RBFOX1: variants seen among roughly 807,000 people sequenced by gnomAD.
RBFOX1 encodes RNA binding protein fox-1 homolog 1.
RBFOX1 carries 8 observed loss-of-function variants against 57.7 expected under a neutral mutation model. The ratio of observed to expected loss-of-function variants is 0.14; its 90% CI spans 0.08 to 0.25. RBFOX1 has a LOEUF of 0.25. RBFOX1 is among the 10% of genes least tolerant of loss of function. RBFOX1 has a pLI of 1.00. For missense variants in RBFOX1, 611 were observed against 548.5 expected, an observed-to-expected ratio of 1.11 and a Z score of -1.14; for synonymous variants, 326 against 222.4, an observed-to-expected ratio of 1.47 and a Z score of -4.15.
intron 2 of RBFOX1, among the ~76,000 whole-genome samples, chr16:6,642,745 T>C (rs1007932831): frequency 3.3e-5 from 5 of 152,172 alleles, no homozygotes; most frequent in Non-Finnish European, 7.4e-5. Context: ...TTGTAGTTGT[T>C]CTGGCTTTAC....
chr16:6,527,063 T>C (rs2096590900), intron 2 of RBFOX1, among the ~76,000 whole-genome samples: 1 of 152,082 alleles, frequency 6.6e-6, no homozygotes, highest in South Asian at 2.1e-4. Context: ...AATTTGACTA[T>C]ATTTTTCCAT....
intron 1 of RBFOX1, among the ~76,000 whole-genome samples, chr16:5,301,219 A>G (rs1156788120): frequency 2.0e-5 from 3 of 152,174 alleles, no homozygotes; most frequent in Non-Finnish European, 2.9e-5. Flanking sequence ...AGCTACCACC[A>G]TGGAGAGGTT....
rs192678636 is a variant in RBFOX1, at chr16:6,025,080, G to A, written c.-127+5088G>A. Among the ~76,000 whole-genome samples the A allele has an allele frequency of 1.9e-3, 288 of 152,286 alleles. 1 individual carries two copies. Among genetic ancestry groups the A allele is most frequent in the African/African-American group, 6.7e-3 (280 of 41,558 alleles). ...GTTATTCTAATGGGAAACCATTGGG[G>A]GATTTTATGCAGAGAGATACCAGGA... On this transcript the variant is annotated intron_variant, in intron 1 of 15. Transcript: ENST00000550418.
intron 4 of RBFOX1, among the ~76,000 whole-genome samples, chr16:7,217,096 C>T (rs1174298685): frequency 7.3e-6 from 1 of 136,104 alleles, no homozygotes; most frequent in Non-Finnish European, 1.5e-5. Context: ...GTTTCCCTTT[C>T]CTTCCCTTCC....
intron 1 of RBFOX1, among the ~76,000 whole-genome samples, chr16:6,242,208 A>C (rs1273395568): frequency 1.3e-5 from 2 of 152,068 alleles, no homozygotes; most frequent in Non-Finnish European, 2.9e-5. Context: ...TCAGTACTAT[A>C]AGACTGATAA....
At position 5,647,546 on chromosome 16, in the gene RBFOX1, G is replaced by C. The variant is rs543910403; in HGVS notation, c.318+48585G>C. Among the ~76,000 whole-genome samples, 9 of 152,288 alleles carry C rather than the reference G, an allele frequency of 5.9e-5. 1 individual carries two copies. The South Asian group carries it at 1.2e-3, about 21-fold the overall frequency. ...CACAGTAGGCACTGAGCAAATGTTA[G>C]TCTCTGTCCCGTGGAAACCCCACCT... is the stretch of plus-strand genomic sequence containing the variant. On this transcript the variant is annotated intron_variant, in intron 3 of 19. Transcript: ENST00000641259.
At chr16:5,324,896 A>C (rs1056972346) in intron 1 of RBFOX1, among the ~76,000 whole-genome samples, 1 of 152,172 alleles carries the variant, frequency 6.6e-6, no homozygotes, top group African/African-American at 2.4e-5. Context: ...CTACACTGCC[A>C]AACCCATTTA....
intron 1 of RBFOX1, among the ~76,000 whole-genome samples, chr16:5,285,754 G>A (rs909661890): frequency 6.6e-6 from 1 of 152,062 alleles, no homozygotes; most frequent in African/African-American, 2.4e-5. Flanking sequence ...TTATTCAGTG[G>A]CTTAGACTGC....
At chr16:6,275,666 A>G (rs1434670789) in intron 1 of RBFOX1, among the ~76,000 whole-genome samples, 2 of 152,184 alleles carry the variant, frequency 1.3e-5, no homozygotes, top group African/African-American at 2.4e-5. Flanking sequence ...ATTTGATATA[A>G]TAATGGAAGG....
chr16:6,010,847 A>AT (rs531646937), intron 4 of RBFOX1, among the ~76,000 whole-genome samples: 178 of 152,118 alleles, frequency 1.2e-3, no homozygotes, highest in African/African-American at 4.1e-3. Flanking sequence ...AGGGATTGTG[A>AT]TTTTTTTTCT....
At chr16:7,297,887 C>T (rs1004276959) in intron 4 of RBFOX1, among the ~76,000 whole-genome samples, 1 of 151,812 alleles carries the variant, frequency 6.6e-6, no homozygotes, top group African/African-American at 2.4e-5. Flanking sequence ...TTATTTGTTT[C>T]CGGGCCCTTT....
intron 1 of RBFOX1, among the ~76,000 whole-genome samples, chr16:6,252,841 A>G (rs2097629396): frequency 6.6e-6 from 1 of 152,200 alleles, no homozygotes; most frequent in South Asian, 2.1e-4. Flanking sequence ...TTGCTGTTCG[A>G]TGGGTGTGAA....
At chr16:7,222,956 G>C (rs192830959) in intron 4 of RBFOX1, among the ~76,000 whole-genome samples, 1 of 152,048 alleles carries the variant, frequency 6.6e-6, no homozygotes, top group Non-Finnish European at 1.5e-5. Context: ...TTCTTTGAGC[G>C]TCCCTTGTTG....
At chr16:6,088,970 C>G (rs1321062508) in intron 1 of RBFOX1, among the ~76,000 whole-genome samples, 1 of 151,718 alleles carries the variant, frequency 6.6e-6, no homozygotes, top group Non-Finnish European at 1.5e-5. Context: ...GTGGCGCATG[C>G]CTGTAATCCC....
intron 1 of RBFOX1, among the ~76,000 whole-genome samples, chr16:6,139,768 T>C (rs768374551): frequency 6.6e-6 from 1 of 152,210 alleles, no homozygotes; most frequent in Non-Finnish European, 1.5e-5. Flanking sequence ...TCTCCTTATG[T>C]ATCTGTTTTT....
At chr16:6,348,372 G>C (rs1320049295) in intron 2 of RBFOX1, among the ~76,000 whole-genome samples, 5 of 152,158 alleles carry the variant, frequency 3.3e-5, no homozygotes, top group African/African-American at 1.2e-4. Context: ...TCAGTAGAAA[G>C]CACTTATACA....
chr16:6,543,240 TCTC>T (rs1252397302), intron 2 of RBFOX1, among the ~76,000 whole-genome samples: 1 of 152,048 alleles, frequency 6.6e-6, no homozygotes, highest in Non-Finnish European at 1.5e-5. Flanking sequence ...TTGGATGGCG[TCTC>T]CTCCATGCCA....
intron 4 of RBFOX1, among the ~76,000 whole-genome samples, chr16:7,128,717 G>A (rs1317972214): frequency 6.6e-6 from 1 of 152,142 alleles, no homozygotes; most frequent in Non-Finnish European, 1.5e-5. Flanking sequence ...CACTTGATGG[G>A]AGGATGTTCA....
chr16:7,100,772 G>A (rs941966312), intron 4 of RBFOX1, among the ~76,000 whole-genome samples: 1 of 152,020 alleles, frequency 6.6e-6, no homozygotes, highest in African/African-American at 2.4e-5. Flanking sequence ...CGTAAATATA[G>A]GACACTGTGT....
Sources: allele counts gnomAD v4.1 joint callset (sites outside exome capture counted in the v4.1 genomes callset), GRCh38; gene constraint gnomAD v4.1.1; transcripts MANE v1.5; gene names NCBI Gene and HGNC (gene_info 2026-07-23, HGNC 2026-07-21).